DOCK8: variants seen among roughly 807,000 people sequenced by gnomAD.
DOCK8 encodes the protein dedicator of cytokinesis protein 8.
A neutral mutation model predicts 245.6 loss-of-function variants in DOCK8; 141 were observed. That is an observed-to-expected ratio of 0.57 (90% confidence interval 0.50 to 0.66). DOCK8 has a LOEUF of 0.66. Ranked by LOEUF, DOCK8 falls within the 30% of genes least tolerant of loss-of-function variation. The pLI is 0.00. For missense variants in DOCK8, 2,965 were observed against 2,603.4 expected (o/e 1.14, Z -3.02); for synonymous variants, 1,168 against 970.2 (o/e 1.20, Z -3.79).
intron 13 of DOCK8, 112 bp from the exon 14 acceptor site, chr9:340,047 G>C: frequency 1.6e-6 from 2 of 1,280,442 alleles, no homozygotes; most frequent in Admixed American, 1.9e-5. Context: ...CTTTTTTACA[G>C]TACTATAGTT....
chr9:239,591 A>T (rs1032039345), intron 1 of DOCK8, among the ~76,000 whole-genome samples: 1 of 152,232 alleles, frequency 6.6e-6, no homozygotes, highest in Non-Finnish European at 1.5e-5. Context: ...CAAGTTTCCT[A>T]TTCTTTTCAA....
intron 43 of DOCK8, among the ~76,000 whole-genome samples, chr9:445,678 T>A (rs2057231934): frequency 6.6e-6 from 1 of 152,244 alleles, no homozygotes; most frequent in African/African-American, 2.4e-5. Flanking sequence ...TATTCTGTTG[T>A]GTGACTACCT....
At chr9:309,298 A>T (rs983229209) in intron 5 of DOCK8, among the ~76,000 whole-genome samples, 1 of 152,216 alleles carries the variant, frequency 6.6e-6, no homozygotes, top group Admixed American at 6.5e-5. Context: ...CGAAGTGTTA[A>T]TATTGATTAT....
intron 2 of DOCK8, among the ~76,000 whole-genome samples, chr9:276,576 G>T (rs189052047): frequency 7.2e-5 from 11 of 152,248 alleles, no homozygotes; most frequent in Admixed American, 7.2e-4. Flanking sequence ...ACTTGTCCCA[G>T]GTCTATTTGA....
chr9:452,555 A>G (rs2057502566), intron 46 of DOCK8: 1 of 157,452 alleles, frequency 6.4e-6, no homozygotes, highest in Admixed American at 6.2e-5. Flanking sequence ...AGCTCAAACC[A>G]GGTCTTCTGA....
upstream of DOCK8, chr9:214,817 G>A: frequency 1.3e-6 from 2 of 1,595,912 alleles, no homozygotes; most frequent in Non-Finnish European, 1.7e-6. Context: ...CTCCCCCGGG[G>A]TGATTTCGGC....
At chr9:227,163 T>G (rs780517768) in intron 1 of DOCK8, among the ~76,000 whole-genome samples, 1 of 152,186 alleles carries the variant, frequency 6.6e-6, no homozygotes, top group South Asian at 2.1e-4. Context: ...AAAGGATGCT[T>G]TTGTAATTGG....
intron 1 of DOCK8, among the ~76,000 whole-genome samples, chr9:217,681 A>G (rs1046280176): frequency 6.6e-6 from 1 of 152,222 alleles, no homozygotes; most frequent in South Asian, 2.1e-4. Flanking sequence ...TAGTATTCAT[A>G]TATCATTTAA....
chr9:427,385 G>T (rs12351212), intron 34 of DOCK8, among the ~76,000 whole-genome samples: 2,903 of 152,292 alleles, frequency 0.019, 93 homozygotes, highest in African/African-American at 0.066. Context: ...CTATGATTAT[G>T]ACTAGGCTAG....
chr9:255,817 CAT>C (rs991493886), intron 1 of DOCK8, among the ~76,000 whole-genome samples: 2 of 151,408 alleles, frequency 1.3e-5, no homozygotes, highest in African/African-American at 4.9e-5. Flanking sequence ...ATACAACAAA[CAT>C]AGTATTATTT....
chr9:212,502 G>A (rs1333271265), upstream of DOCK8, among the ~76,000 whole-genome samples: 1 of 152,200 alleles, frequency 6.6e-6, no homozygotes, highest in Non-Finnish European at 1.5e-5. Context: ...GTGAGAATAA[G>A]GAAGAAAGGC....
chr9:358,676 C>CG (rs779048393), intron 14 of DOCK8, among the ~76,000 whole-genome samples: 3 of 150,888 alleles, frequency 2.0e-5, no homozygotes, highest in Admixed American at 1.3e-4. Context: ...TGGTGAAACC[C>CG]TGTCTCTACT....
At chr9:400,940 A>ACCACCACCACCACCT (rs1586918975) in intron 26 of DOCK8, among the ~76,000 whole-genome samples, 1 of 55,708 alleles carries the variant, frequency 1.8e-5, no homozygotes, top group African/African-American at 3.8e-4. Context: ...AACATCCACC[A>ACCACCACCACCACCT]CCACCATCAC....
At position 332,489 on chromosome 9, in the gene DOCK8, T is replaced by A; in HGVS notation, c.1125+11T>A. ...AGTGATGGTGGAAAGGTATGGTAAT[T>A]TGAGTGTTGTTAAATGGAGACATCT... On this transcript the variant is annotated intron_variant, in intron 10 of 47. Coordinates refer to ENST00000432829, the MANE Select transcript of DOCK8 (RefSeq NM_203447.4). 6.3e-7 allele frequency: 1 copy of A among 1,591,532 alleles called. No homozygotes were observed. Among genetic ancestry groups the A allele is most frequent in the Non-Finnish European group, 8.6e-7 (1 of 1,159,594 alleles).
At chr9:432,646 G>T (rs556559335) in intron 37 of DOCK8, among the ~76,000 whole-genome samples, 1 of 152,144 alleles carries the variant, frequency 6.6e-6, no homozygotes, top group African/African-American at 2.4e-5. Flanking sequence ...GAGGAAGAGA[G>T]GTCGTGATCA....
rs187153268 is a variant in DOCK8 at position 290,431 on chromosome 9, C to T, written c.404+850C>T. On this transcript the variant is annotated intron_variant, in intron 4 of 47. Transcript: ENST00000432829. ...TGTTGTCTTCTAATTCTGATGAATTCCCAGGGGGAAAAATTAAGTGAATTG... is the reference window on the plus strand; with the variant it reads ...TGTTGTCTTCTAATTCTGATGAATTTCCAGGGGGAAAAATTAAGTGAATTG... Among the ~76,000 whole-genome samples the T allele has an allele frequency of 3.9e-5, 6 of 152,250 alleles. No homozygotes were observed. The East Asian group carries it at 7.7e-4, about 20-fold the overall frequency.
intron 1 of DOCK8, among the ~76,000 whole-genome samples, chr9:239,432 A>T (rs1457235239): frequency 2.0e-5 from 3 of 152,224 alleles, no homozygotes; most frequent in African/African-American, 7.2e-5. Flanking sequence ...TGATAGAGCC[A>T]CTTAAGTAAT....
At chr9:316,067 G>C (rs539574322) in intron 6 of DOCK8, among the ~76,000 whole-genome samples, 37 of 152,304 alleles carry the variant, frequency 2.4e-4, no homozygotes, top group African/African-American at 8.7e-4. Context: ...TTGGAGTAAT[G>C]ATGAGCTTAC....
intron 28 of DOCK8, among the ~76,000 whole-genome samples, chr9:411,500 C>T (rs1239954295): frequency 2.6e-5 from 4 of 152,050 alleles, no homozygotes; most frequent in African/African-American, 9.7e-5. Flanking sequence ...CTGATGAATT[C>T]TACCAAATAT....
Sources: allele counts gnomAD v4.1 joint callset (sites outside exome capture counted in the v4.1 genomes callset), GRCh38; gene constraint gnomAD v4.1.1; transcripts MANE v1.5; gene names NCBI Gene and HGNC (gene_info 2026-07-23, HGNC 2026-07-21).